The following COQ8A variants were observed in gnomAD, a reference collection of about 807,000 sequenced individuals.
COQ8A encodes the protein coenzyme Q8A, also known as atypical kinase COQ8A, mitochondrial.
Under a neutral mutation model 65.0 loss-of-function variants are expected in COQ8A, and 51 were observed. The observed-to-expected ratio is 0.78, with a 90% CI of 0.63 to 0.99. The LOEUF is 0.99. COQ8A is among the 50% of genes least tolerant of loss of function. The probability of loss-of-function intolerance (pLI) is 0.00; values close to 1 mark genes in which losing one functional copy is unlikely to be tolerated. For synonymous variants in COQ8A, 371 were observed against 353.2 expected, an observed-to-expected ratio of 1.05 and a Z score of -0.57; for missense variants, 940 against 875.0, an observed-to-expected ratio of 1.07 and a Z score of -0.94.
At chr1:226,959,323 C>A (rs150823913) in intron 1 of COQ8A, among the ~76,000 whole-genome samples, 115 of 151,866 alleles carry the variant, frequency 7.6e-4, no homozygotes, top group African/African-American at 2.7e-3. Context: ...GTGGGAGGAT[C>A]AGTTGAGCCT....
At chr1:226,953,792 C>T (rs2802271) in intron 1 of COQ8A, among the ~76,000 whole-genome samples, 115,268 of 152,132 alleles carry the variant, frequency 0.76, 44,064 homozygotes, top group African/African-American at 0.86. Flanking sequence ...CGGGAGTTGC[C>T]CGAGATGTTT....
In COQ8A at chr1:226,984,026, G is replaced by T. The variant is rs566516807; in HGVS notation, c.1257-68G>T. The T allele has an allele frequency of 2.2e-4, 333 of 1,537,622 alleles. No individual in the cohort carries two copies. Among genetic ancestry groups the T allele is most frequent in the Admixed American group, 6.5e-4 (37 of 57,126 alleles). ...AGGAGGGCCCTCTGCCTGGTTGGGG[G>T]GTGTGTGTGGGGGGGGGGACGGTGT... On this transcript the variant is annotated intron_variant, in intron 10 of 14. Transcript: ENST00000366777.
At chr1:226,964,522 G>A (rs1465460957) in intron 2 of COQ8A, among the ~76,000 whole-genome samples, 1 of 152,192 alleles carries the variant, frequency 6.6e-6, no homozygotes, top group East Asian at 1.9e-4. Flanking sequence ...TGCATACCCC[G>A]GCTGGTGGGT....
At position 226,984,035 on chromosome 1, in the gene COQ8A, G is replaced by C. The variant is rs1049464882; in HGVS notation, c.1257-59G>C. The C allele has an allele frequency of 1.4e-5, 18 of 1,242,202 alleles. 1 individual carries two copies. In the African/African-American group the frequency reaches 1.8e-4, roughly 12 times the overall value. The allele number at this position is 1,242,202 out of a possible 1,614,324, so 76.9% of individuals were successfully genotyped here. A position where few individuals can be genotyped will look rare whatever the true frequency, so the allele number is the denominator to read the frequency against. On this transcript the variant is annotated intron_variant, in intron 10 of 14. Coordinates refer to ENST00000366777, the MANE Select transcript of COQ8A (RefSeq NM_020247.5). Reference sequence around the variant, plus strand: ...CTCTGCCTGGTTGGGGGGTGTGTGTGGGGGGGGGGACGGTGTGGAGGGCCT... The same window carrying C: ...CTCTGCCTGGTTGGGGGGTGTGTGTCGGGGGGGGGACGGTGTGGAGGGCCT...
chr1:226,983,708 G>C (rs878923778), intron 9 of COQ8A, 53 bp from the exon 10 acceptor site: 8 of 1,612,110 alleles, frequency 5.0e-6, no homozygotes, highest in Non-Finnish European at 8.5e-7. Flanking sequence ...GGACCAGAGG[G>C]GGTCCTCCCT....
rs1167144594 is a variant in COQ8A at position 226,972,398 on chromosome 1, C to T, written c.656-5051C>T. ...AAGGAGATGCTCATATGAGAAAAAG[C>T]AGGTCAGTGGGCCAGGAATGAAGAG... is the stretch of plus-strand genomic sequence containing the variant. On this transcript the variant is annotated intron_variant, in intron 4 of 14. Transcript: ENST00000366777. This position sits in a 1 kb window ranked among gnomAD's most constrained non-coding sequence, Gnocchi z 4.3. Among the ~76,000 whole-genome samples the T allele has an allele frequency of 6.6e-6, 1 of 152,132 alleles. No homozygotes were observed. Among genetic ancestry groups the T allele is most frequent in the Non-Finnish European group, 1.5e-5 (1 of 68,020 alleles).
At chr1:226,940,872 A>T (rs1456945124) in intron 1 of COQ8A, among the ~76,000 whole-genome samples, 1 of 152,084 alleles carries the variant, frequency 6.6e-6, no homozygotes, top group Non-Finnish European at 1.5e-5. Context: ...GAGAACTTTG[A>T]CTTCCTTGGC....
chr1:226,979,677 G>A (rs1400083032), intron 5 of COQ8A, among the ~76,000 whole-genome samples: 2 of 152,134 alleles, frequency 1.3e-5, no homozygotes, highest in South Asian at 2.1e-4. Context: ...GCCAGTCCCC[G>A]GACAGCCCCC....
At chr1:226,957,281 G>GC (rs552731385) in intron 1 of COQ8A, among the ~76,000 whole-genome samples, 2,649 of 29,046 alleles carry the variant, frequency 0.091, 506 homozygotes, top group East Asian at 0.13. Context: ...CACTCTCCCT[G>GC]CCCCCCCCCC....
intron 3 of COQ8A, 27 bp from the exon 4 acceptor site, chr1:226,965,644 A>G (rs373872875): frequency 1.9e-4 from 299 of 1,613,438 alleles, no homozygotes; most frequent in Non-Finnish European, 2.4e-4. Flanking sequence ...GGCTGATTCC[A>G]CAGGTCTCTT....
rs1414085215 is a variant in COQ8A, at chr1:226,946,587, A to T, written c.-10+6188A>T. ...TCTGTGGTCCCCTTGCACCCTGCTGAGCCTCTTCTCATTTCTCGTTGCGTG... is the reference window on the plus strand; with the variant it reads ...TCTGTGGTCCCCTTGCACCCTGCTGTGCCTCTTCTCATTTCTCGTTGCGTG... On this transcript the variant is annotated intron_variant, in intron 1 of 14. Coordinates refer to ENST00000366777, the MANE Select transcript of COQ8A (RefSeq NM_020247.5). This position sits in a 1 kb window ranked among gnomAD's most constrained non-coding sequence, Gnocchi z 5.3. Among the ~76,000 whole-genome samples, 1 of 152,076 alleles carries T rather than the reference A, an allele frequency of 6.6e-6. No individual in the cohort carries two copies. The highest frequency in any genetic ancestry group is 2.4e-5 in the African/African-American group (1 of 41,392).
At chr1:226,943,764 A>G (rs1572010483) in intron 1 of COQ8A, among the ~76,000 whole-genome samples, 1 of 152,216 alleles carries the variant, frequency 6.6e-6, no homozygotes, top group East Asian at 1.9e-4. Flanking sequence ...CAGTTTGACA[A>G]ACGCACATAG....
At chr1:226,963,272 G>A (rs1188025846) in intron 2 of COQ8A, among the ~76,000 whole-genome samples, 10 of 152,184 alleles carry the variant, frequency 6.6e-5, no homozygotes, top group Admixed American at 1.3e-4. Context: ...CCCGCAGTGC[G>A]CTGCCATTCA....
chr1:226,942,971 T>C (rs1485864367), intron 1 of COQ8A, among the ~76,000 whole-genome samples: 2 of 152,214 alleles, frequency 1.3e-5, no homozygotes, highest in Non-Finnish European at 2.9e-5. Context: ...AGGGATTTCT[T>C]GCACAGGGCA....
chr1:226,952,152 G>T (rs943137710), intron 1 of COQ8A, among the ~76,000 whole-genome samples: 1 of 152,234 alleles, frequency 6.6e-6, no homozygotes, highest in Middle Eastern at 3.4e-3. Flanking sequence ...CCACTGTCCC[G>T]AGAAGGGCAG....
intron 14 of COQ8A, among the ~76,000 whole-genome samples, chr1:226,985,562 T>G (rs944794912): frequency 6.6e-6 from 1 of 152,166 alleles, no homozygotes; most frequent in Non-Finnish European, 1.5e-5. Flanking sequence ...GTCGTGAAGC[T>G]CTTGTTTCTG....
intron 1 of COQ8A, among the ~76,000 whole-genome samples, chr1:226,955,288 C>T (rs974595039): frequency 6.6e-6 from 1 of 151,924 alleles, no homozygotes; most frequent in Non-Finnish European, 1.5e-5. Flanking sequence ...CAGACAGCTG[C>T]CCTGGGGAAG....
intron 1 of COQ8A, among the ~76,000 whole-genome samples, chr1:226,947,823 C>A (rs1024498380): frequency 1.3e-5 from 2 of 151,744 alleles, no homozygotes; most frequent in South Asian, 4.2e-4. Context: ...ATATATCTAT[C>A]TGCCTGGCAT....
rs1332320114 is a variant in COQ8A at position 226,983,565 on chromosome 1, C to T, written c.1094C>T (p.Ala365Val). 8 of 1,613,874 alleles carry T rather than the reference C, an allele frequency of 5.0e-6. No homozygotes were observed. In the South Asian group the frequency reaches 7.7e-5, roughly 16 times the overall value. The change falls in exon 9 of 15, where the codon GCC becomes GTC. Residue 365 changes from alanine (A) to valine (V), a missense_variant. Transcript: ENST00000366777. ...ATACCCCCACAGTACCCTGGCGTGG[C>T]CCAGAGCATCAACAGTGATGTCAAC... is the stretch of plus-strand genomic sequence containing the variant. The part of the protein sequence containing the change: ...VAMKIQYPGV[A>V]QSINSDVNNL...
Sources: gnomAD v4.1 joint callset for allele counts (sites outside exome capture counted in the v4.1 genomes callset) on GRCh38, gnomAD v4.1.1 for gene constraint, Gnocchi (gnomAD v3.1) non-coding constraint, MANE v1.5 for transcripts, NCBI Gene and HGNC (gene_info 2026-07-23, HGNC 2026-07-21) for gene names.